GDPD4: variants seen among roughly 807,000 people sequenced by gnomAD.
GDPD4 encodes the protein glycerophosphodiester phosphodiesterase domain containing 4.
Under a neutral mutation model 67.8 loss-of-function variants are expected in GDPD4, and 60 were observed. The observed-to-expected ratio is 0.88, with a 90% confidence interval of 0.72 to 1.10. The LOEUF (loss-of-function observed/expected upper bound fraction) is 1.10. Ranked by LOEUF, GDPD4 falls within the 50% of genes least tolerant of loss-of-function variation. The probability of loss-of-function intolerance (pLI) is 0.00; values close to 1 mark genes in which losing one functional copy is unlikely to be tolerated. For missense variants in GDPD4, 623 were observed against 613.9 expected (o/e 1.01, Z -0.16); for synonymous variants, 212 against 210.9 (o/e 1.00, Z -0.04).
intron 13 of GDPD4, among the ~76,000 whole-genome samples, chr11:77,239,675 A>C (rs1958627661): frequency 6.6e-6 from 1 of 152,134 alleles, no homozygotes; most frequent in Admixed American, 6.5e-5. Flanking sequence ...CACTGATGAA[A>C]GGGGCCGGGT....
chr11:77,270,114 C>T (rs1959201613), intron 7 of GDPD4, among the ~76,000 whole-genome samples, 154 bp from the exon 8 acceptor site: 3 of 152,184 alleles, frequency 2.0e-5, no homozygotes. Context: ...CTCTTGCCTG[C>T]ATACCCCCAC....
chr11:77,299,026 T>C (rs889092742), intron 1 of GDPD4, among the ~76,000 whole-genome samples: 1 of 151,984 alleles, frequency 6.6e-6, no homozygotes, highest in Non-Finnish European at 1.5e-5. Context: ...GACAGGAATT[T>C]GGACAAGATA....
chr11:77,261,241 CTT>C (rs746464607), intron 10 of GDPD4, among the ~76,000 whole-genome samples: 1 of 145,014 alleles, frequency 6.9e-6, no homozygotes, highest in Non-Finnish European at 1.5e-5. Flanking sequence ...GGCCTAACAT[CTT>C]TTTTTTTTTT....
chr11:77,227,069 A>G (rs1398241345), intron 16 of GDPD4, among the ~76,000 whole-genome samples: 1 of 152,142 alleles, frequency 6.6e-6, no homozygotes, highest in African/African-American at 2.4e-5. Context: ...ATTATATCCC[A>G]CACCGCGCAG....
intron 5 of GDPD4, among the ~76,000 whole-genome samples, chr11:77,272,967 T>G (rs995895355): frequency 2.1e-4 from 32 of 152,254 alleles, no homozygotes; most frequent in African/African-American, 7.2e-4. Context: ...CATCATTATT[T>G]TATATTCCAT....
rs566748600 is a variant in GDPD4 at position 77,235,175 on chromosome 11, G to A, written c.1242-2003C>T. Among the ~76,000 whole-genome samples, 3 of 152,006 alleles carry A rather than the reference G, an allele frequency of 2.0e-5. No homozygotes were observed. In the East Asian group the frequency reaches 5.8e-4, roughly 29 times the overall value. ...TTGCTTGTATGTCTTCTTTTGAGAA[G>A]TGTCTGTTCATATCCTTTACCCACT... On this transcript the variant is annotated intron_variant, in intron 13 of 16. Transcript: ENST00000315938.
chr11:77,288,493 T>C (rs1591580080), intron 1 of GDPD4, among the ~76,000 whole-genome samples: 1 of 152,178 alleles, frequency 6.6e-6, no homozygotes, highest in Non-Finnish European at 1.5e-5. Flanking sequence ...CACCACAGCC[T>C]GTGCTAACAA....
chr11:77,229,609 C>T (rs1370513590), intron 14 of GDPD4, among the ~76,000 whole-genome samples: 3 of 152,224 alleles, frequency 2.0e-5, no homozygotes, highest in Non-Finnish European at 4.4e-5. Context: ...TCAAACCTGG[C>T]TGTGCAGCCA....
In GDPD4 at chr11:77,227,887, A is replaced by G. The variant is rs1958374240; in HGVS notation, c.1502T>C (p.Phe501Ser). ...ACCTGTGCGAGTGCTGGAGGTTTCA[A>G]ACAATTTTTCTTTTTCAGTCTCTCT... Reference protein sequence around the residue: ...WRRETEKEKLFETSSTRTDTQ... With the variant: ...WRRETEKEKLSETSSTRTDTQ... The change falls in exon 16 of 17, where the codon TTT (phenylalanine) becomes TCT (serine). Residue 501 changes from phenylalanine to serine, a missense_variant. Transcript: ENST00000315938. 1.2e-6 allele frequency: 2 copies of G among 1,613,750 alleles called. No homozygotes were observed. Among genetic ancestry groups the G allele is most frequent in the Non-Finnish European group, 1.7e-6 (2 of 1,179,668 alleles).
chr11:77,234,721 T>A lies in GDPD4; in HGVS notation c.1242-1549A>T, dbSNP rs181487438. Among the ~76,000 whole-genome samples the A allele has an allele frequency of 3.6e-3, 550 of 152,318 alleles. 6 individuals carry two copies. The highest frequency in any genetic ancestry group is 0.013 in the African/African-American group (521 of 41,586). On this transcript the variant is annotated intron_variant, in intron 13 of 16. Transcript: ENST00000315938. The stretch of plus-strand genomic sequence containing the variant: ...CATAGTATTCCATGGTGTATATGTG[T>A]CACATTTTCTTTATCCAGTCCACCA...
intron 13 of GDPD4, among the ~76,000 whole-genome samples, chr11:77,235,391 A>G (rs557423660): frequency 3.9e-5 from 6 of 152,296 alleles, no homozygotes; most frequent in African/African-American, 1.2e-4. Flanking sequence ...AAAAAAAAAT[A>G]GTGTGAGAGG....
intron 8 of GDPD4, among the ~76,000 whole-genome samples, chr11:77,269,325 C>G (rs1959194593): frequency 6.6e-6 from 1 of 152,110 alleles, no homozygotes; most frequent in Non-Finnish European, 1.5e-5. Flanking sequence ...ACAGAGGGCT[C>G]AACTGTACAG....
At chr11:77,282,085 G>C (rs1264632440) in intron 3 of GDPD4, among the ~76,000 whole-genome samples, 1 of 152,122 alleles carries the variant, frequency 6.6e-6, no homozygotes, top group Non-Finnish European at 1.5e-5. Context: ...TATATGATGA[G>C]AATGGCTTAT....
chr11:77,258,971 T>C (rs1414719437), intron 10 of GDPD4, among the ~76,000 whole-genome samples: 2 of 152,140 alleles, frequency 1.3e-5, no homozygotes, highest in Non-Finnish European at 2.9e-5. Context: ...TTTCTTTTTG[T>C]TTGTTTGCTT....
chr11:77,299,215 C>T (rs1377170387), intron 1 of GDPD4, among the ~76,000 whole-genome samples: 1 of 152,180 alleles, frequency 6.6e-6, no homozygotes, highest in African/African-American at 2.4e-5. Context: ...AGAATACCAT[C>T]AGCATCCCGA....
chr11:77,245,525 A>G, intron 11 of GDPD4, 23 bp from the exon 12 acceptor site: 1 of 1,568,034 alleles, frequency 6.4e-7, no homozygotes, highest in East Asian at 2.2e-5. Flanking sequence ...ACATCAAAAA[A>G]TACATAAAAG....
At position 77,217,239 on chromosome 11, in the gene GDPD4, G is replaced by A. The variant is rs182145737; in HGVS notation, c.*38C>T. On this transcript the variant is annotated 3_prime_UTR_variant, in exon 17 of 17. Coordinates refer to ENST00000315938, the MANE Select transcript of GDPD4 (RefSeq NM_182833.3). ...AGAGTCCAAGGACCTTCCACAACTC[G>A]GACAGGAGGTTTCATGGCTATGTGC... The A allele has an allele frequency of 4.4e-4, 668 of 1,521,858 alleles. 1 individual carries two copies. Among genetic ancestry groups the A allele is most frequent in the Admixed American group, 8.0e-4 (48 of 59,886 alleles). The allele number at this position is 1,521,858 out of a possible 1,614,324, so 94.3% of individuals were successfully genotyped here.
chr11:77,288,327 C>A (rs1472582730), intron 1 of GDPD4, among the ~76,000 whole-genome samples: 1 of 152,198 alleles, frequency 6.6e-6, no homozygotes, highest in Admixed American at 6.5e-5. Flanking sequence ...CCAAGCAAGC[C>A]ACCTAGAGAC....
In GDPD4 at chr11:77,280,402, T is replaced by C. The variant is rs750522847; in HGVS notation, c.54-1003A>G. The stretch of plus-strand genomic sequence containing the variant: ...AGCACAGGTGGTTATTAAACAGAGA[T>C]CTTGAAAAAAAATTTTCGAAATTAA... On this transcript the variant is annotated intron_variant, in intron 3 of 16. Transcript: ENST00000315938. Among the ~76,000 whole-genome samples, 11 of 149,724 alleles carry C rather than the reference T, an allele frequency of 7.3e-5. 1 individual carries two copies. Among genetic ancestry groups the C allele is most frequent in the Non-Finnish European group, 1.5e-4 (10 of 67,444 alleles).
Sources: gnomAD v4.1 joint callset for allele counts (sites outside exome capture counted in the v4.1 genomes callset) on GRCh38, gnomAD v4.1.1 for gene constraint, MANE v1.5 for transcripts, NCBI Gene and HGNC (gene_info 2026-07-23, HGNC 2026-07-21) for gene names.